Variants in MTMR3 observed in about 807,000 individuals in gnomAD.
MTMR3 encodes myotubularin related protein 3.
A neutral mutation model predicts 132.4 loss-of-function variants in MTMR3; 32 were observed. That is an observed-to-expected ratio of 0.24 (90% CI 0.18 to 0.32). The LOEUF (loss-of-function observed/expected upper bound fraction) is 0.32, where lower values mean the gene tolerates loss of function less well. Among genes scored for constraint, MTMR3 ranks in the 10% least tolerant of loss-of-function variants. The pLI is 1.00. For missense variants in MTMR3, 1,216 were observed against 1,489.6 expected (o/e 0.82, Z 3.02); for synonymous variants, 556 against 550.3 (o/e 1.01, Z -0.14).
chr22:30,023,780 T>C, intron 19 of MTMR3: 2 of 430,760 alleles, frequency 4.6e-6, no homozygotes, highest in South Asian at 5.9e-5. Context: ...AGTTGGGTTT[T>C]CAGAGCTATT....
intron 1 of MTMR3, among the ~76,000 whole-genome samples, chr22:29,949,134 C>CCCCCGAGGCCCTGTCTTAAA (rs1569019622): frequency 3.1e-4 from 13 of 42,568 alleles, no homozygotes; most frequent in African/African-American, 1.5e-3. Context: ...CACACACACA[C>CCCCCGAGGCCCTGTCTTAAA]ACACACACAC....
rs141367239 is a variant in MTMR3, at chr22:29,971,517, AATAC to A, written c.3+459_3+462del. Among the ~76,000 whole-genome samples, 794 of 152,312 alleles carry A rather than the reference AATAC, an allele frequency of 5.2e-3. 5 individuals are homozygous for A. The highest frequency in any genetic ancestry group is 8.8e-3 in the Non-Finnish European group (598 of 68,036). On this transcript the variant is annotated intron_variant, in intron 3 of 19. Coordinates refer to ENST00000401950, the MANE Select transcript of MTMR3 (RefSeq NM_021090.4). ...TATTGTGTACAGCATAATGTTTTGA[AATAC>A]ATATATACCTTGTGGAATGGCTAAA...
intron 9 of MTMR3, chr22:30,003,950 T>G (rs1279101249): frequency 6.6e-6 from 1 of 152,206 alleles, no homozygotes; most frequent in East Asian, 1.9e-4. Context: ...TGGCTTACAG[T>G]TAGAAACTTC....
intron 2 of MTMR3, among the ~76,000 whole-genome samples, chr22:29,964,906 G>T (rs1298498196): frequency 6.6e-6 from 1 of 152,040 alleles, no homozygotes; most frequent in Non-Finnish European, 1.5e-5. Context: ...TTCAAGTTGT[G>T]CCACTCTTCT....
At chr22:29,897,584 C>G (rs1213943757) in intron 1 of MTMR3, among the ~76,000 whole-genome samples, 1 of 151,910 alleles carries the variant, frequency 6.6e-6, no homozygotes, top group Non-Finnish European at 1.5e-5. Flanking sequence ...TTTTGAGTAG[C>G]TGGGATTACA....
At chr22:29,927,900 G>C (rs1265838920) in intron 1 of MTMR3, among the ~76,000 whole-genome samples, 2 of 143,248 alleles carry the variant, frequency 1.4e-5, no homozygotes, top group Non-Finnish European at 3.0e-5. Flanking sequence ...ACATATCCTT[G>C]TAAAATATTA....
chr22:29,988,383 C>G (rs1001651542), intron 5 of MTMR3, 97 bp from the exon 6 acceptor site: 50 of 827,128 alleles, frequency 6.0e-5, no homozygotes, highest in Middle Eastern at 2.5e-4. Context: ...GTTGCTTTCC[C>G]TTATAGATCT....
chr22:29,949,176 A>AAC (rs931627057), intron 1 of MTMR3, among the ~76,000 whole-genome samples: 1 of 119,852 alleles, frequency 8.3e-6, no homozygotes, highest in Non-Finnish European at 1.7e-5. Context: ...CCTGTCTTAA[A>AAC]ACACACACAC....
At chr22:29,917,662 A>G (rs1447094498) in intron 1 of MTMR3, among the ~76,000 whole-genome samples, 2 of 152,216 alleles carry the variant, frequency 1.3e-5, no homozygotes, top group Admixed American at 6.5e-5. Context: ...TCTTTGTGCC[A>G]TATTTGGCAT....
At position 30,012,543 on chromosome 22, in the gene MTMR3, C is replaced by A; in HGVS notation, c.1297C>A (p.Pro433Thr). 1.9e-6 allele frequency: 3 copies of A among 1,612,156 alleles called. No individual in the cohort carries two copies. Among genetic ancestry groups the A allele is most frequent in the Non-Finnish European group, 2.5e-6 (3 of 1,179,478 alleles). The change falls in exon 13 of 20, where the codon CCT (proline) becomes ACT (threonine). Residue 433 changes from proline to threonine, a missense_variant. Around this residue, in one of 7 missense-constraint regions of MTMR3, gnomAD observed 106 missense variants for 209.5 expected, o/e 0.51. Coordinates refer to ENST00000401950, the MANE Select transcript of MTMR3 (RefSeq NM_021090.4). ...GGCATTGGCTAAGCTCTTGCTGGAC[C>A]CTTATTACCGAACCATAGAGGTGAG... ...IVALAKLLLD[P>T]YYRTIEGFQV...
At chr22:29,965,354 T>G (rs1262861587) in intron 2 of MTMR3, among the ~76,000 whole-genome samples, 1 of 152,160 alleles carries the variant, frequency 6.6e-6, no homozygotes, top group East Asian at 1.9e-4. Flanking sequence ...AAATTGAGAC[T>G]TTTAATGCCG....
chr22:30,006,657 A>G lies in MTMR3; in HGVS notation c.672-457A>G, dbSNP rs561073740. 259 of 158,878 alleles carry G rather than the reference A, an allele frequency of 1.6e-3. 3 individuals are homozygous for G. The highest frequency in any genetic ancestry group is 1.1e-3 in the South Asian group (6 of 5,568). 9.8% of individuals were successfully genotyped at this position (158,878 alleles called of 1,614,324 possible). A position where few individuals can be genotyped will look rare whatever the true frequency, so the allele number is the denominator to read the frequency against. On this transcript the variant is annotated intron_variant, in intron 9 of 19. Transcript: ENST00000401950. ...TCTGCAACTTCAGCCTTCTGGGTTC[A>G]AGGGATCCTTCCACCTCAGCCTCCT...
At chr22:29,945,357 A>G (rs1180655052) in intron 1 of MTMR3, among the ~76,000 whole-genome samples, 2 of 152,134 alleles carry the variant, frequency 1.3e-5, no homozygotes. Context: ...AATAAGAATA[A>G]CTATATTGAA....
At chr22:30,023,788 A>G (rs2145984939) in intron 19 of MTMR3, 2 of 395,032 alleles carry the variant, frequency 5.1e-6, no homozygotes, top group South Asian at 3.2e-5. Flanking sequence ...TTTCAGAGCT[A>G]TTTATTTTGG....
At chr22:30,016,324 A>G (rs994615002) in intron 14 of MTMR3, 8 of 548,852 alleles carry the variant, frequency 1.5e-5, no homozygotes, top group Non-Finnish European at 2.3e-5. Flanking sequence ...AGGGGCACCA[A>G]CAACCTGTCT....
intron 18 of MTMR3, 61 bp downstream of exon 18, chr22:30,022,200 C>A: frequency 3.0e-6 from 4 of 1,340,692 alleles, no homozygotes; most frequent in Non-Finnish European, 4.3e-6. Context: ...TTCTTCTCCA[C>A]CCCCATTCCC....
At chr22:29,987,712 C>T (rs2066886075) in intron 5 of MTMR3, 1 of 152,132 alleles carries the variant, frequency 6.6e-6, no homozygotes, top group Non-Finnish European at 1.5e-5. Context: ...GTACATAATC[C>T]TGTGTCCAGT....
At chr22:29,924,509 A>G (rs1277702975) in intron 1 of MTMR3, among the ~76,000 whole-genome samples, 2 of 152,124 alleles carry the variant, frequency 1.3e-5, no homozygotes, top group Admixed American at 6.6e-5. Context: ...GTTCTTCAAC[A>G]TTGTTCTTTT....
intron 1 of MTMR3, among the ~76,000 whole-genome samples, chr22:29,925,364 G>A (rs2065494696): frequency 6.6e-6 from 1 of 152,122 alleles, no homozygotes; most frequent in Admixed American, 6.6e-5. Flanking sequence ...TAATTTGTGT[G>A]TGCTATGTTC....
Sources: gnomAD v4.1 joint callset for allele counts (sites outside exome capture counted in the v4.1 genomes callset) on GRCh38, gnomAD v4.1.1 for gene constraint, gnomAD v4.1.1 regional missense constraint, MANE v1.5 for transcripts, NCBI Gene and HGNC (gene_info 2026-07-23, HGNC 2026-07-21) for gene names.